The following AXDND1 variants were observed in gnomAD, a reference collection of about 807,000 sequenced individuals.
AXDND1 encodes the protein axonemal dynein light chain domain containing 1, also known as axonemal dynein light chain domain-containing protein 1.
A neutral mutation model predicts 137.5 loss-of-function variants in AXDND1; 110 were observed. That is an observed-to-expected ratio of 0.80 (90% CI 0.69 to 0.94). The LOEUF is 0.94. Ranked by LOEUF, AXDND1 falls within the 40% of genes least tolerant of loss-of-function variation. The pLI, the probability that AXDND1 is intolerant of heterozygous loss-of-function variation, is 0.00. For missense variants in AXDND1, 1,191 were observed against 1,169.8 expected (o/e 1.02, Z -0.26); for synonymous variants, 414 against 399.7 (o/e 1.04, Z -0.43).
chr1:179,497,627 C>T (rs572077692), intron 20 of AXDND1, among the ~76,000 whole-genome samples: 3 of 152,236 alleles, frequency 2.0e-5, no homozygotes, highest in African/African-American at 7.2e-5. Flanking sequence ...TCTTACTATT[C>T]CTATTCAACA....
chr1:179,387,276 T>C (rs569720234), intron 9 of AXDND1, among the ~76,000 whole-genome samples: 3 of 152,296 alleles, frequency 2.0e-5, no homozygotes, highest in African/African-American at 7.2e-5. Context: ...AGCTGGGAAG[T>C]GCAGTGTACA....
At chr1:179,507,189 A>G (rs1668620515) in intron 20 of AXDND1, among the ~76,000 whole-genome samples, 1 of 152,228 alleles carries the variant, frequency 6.6e-6, no homozygotes, top group Admixed American at 6.5e-5. Flanking sequence ...ATTCATGGAA[A>G]GAGATTCATG....
chr1:179,553,157 C>G (rs1673567905), intron 25 of AXDND1, among the ~76,000 whole-genome samples: 1 of 152,156 alleles, frequency 6.6e-6, no homozygotes. Context: ...TCTTTTGACC[C>G]TGATTATAAC....
At chr1:179,509,445 C>A in intron 21 of AXDND1, 42 bp downstream of exon 21, 1 of 1,282,566 alleles carries the variant, frequency 7.8e-7, no homozygotes, top group Non-Finnish European at 1.1e-6. Context: ...TCAGATTATT[C>A]CTGTATTTCA....
At chr1:179,394,577 G>A (rs971681736) in intron 10 of AXDND1, among the ~76,000 whole-genome samples, 3 of 79,686 alleles carry the variant, frequency 3.8e-5, no homozygotes, top group East Asian at 4.2e-4. Flanking sequence ...GTGACGGAGC[G>A]AGACCCTGTC....
At chr1:179,373,377 A>G (rs1363288557) in intron 4 of AXDND1, among the ~76,000 whole-genome samples, 2 of 152,220 alleles carry the variant, frequency 1.3e-5, no homozygotes, top group African/African-American at 2.4e-5. Context: ...GGAAGAATCA[A>G]TATCGTGAAA....
intron 18 of AXDND1, among the ~76,000 whole-genome samples, chr1:179,483,968 G>C (rs1665726796): frequency 6.6e-6 from 1 of 152,156 alleles, no homozygotes; most frequent in Non-Finnish European, 1.5e-5. Flanking sequence ...GGAAAGACTG[G>C]TGCACTCCAA....
intron 2 of AXDND1, among the ~76,000 whole-genome samples, chr1:179,367,415 T>A (rs1667551082): frequency 6.6e-6 from 1 of 152,156 alleles, no homozygotes. Context: ...CTCAGGAGGC[T>A]GAGGCAGGAG....
chr1:179,392,743 A>G (rs916839504), intron 9 of AXDND1, among the ~76,000 whole-genome samples: 1 of 151,808 alleles, frequency 6.6e-6, no homozygotes, highest in African/African-American at 2.4e-5. Context: ...GTATTTTTTC[A>G]TGTTTGTTGC....
At chr1:179,482,371 A>G (rs1296048513) in intron 17 of AXDND1, among the ~76,000 whole-genome samples, 1 of 152,144 alleles carries the variant, frequency 6.6e-6, no homozygotes. Flanking sequence ...TTTATTATAT[A>G]TATAGGGGCT....
At chr1:179,552,204 G>A (rs1464235006) in intron 25 of AXDND1, 4 of 247,794 alleles carry the variant, frequency 1.6e-5, no homozygotes, top group South Asian at 5.9e-5. Context: ...GGCCCTGATC[G>A]TGGTTGTCCC....
intron 4 of AXDND1, among the ~76,000 whole-genome samples, chr1:179,377,393 A>G (rs1383741607): frequency 6.6e-6 from 1 of 152,190 alleles, no homozygotes; most frequent in African/African-American, 2.4e-5. Flanking sequence ...ACCAGTAAAT[A>G]CATTTGGAGT....
chr1:179,437,146 G>A (rs1438992657), intron 15 of AXDND1, among the ~76,000 whole-genome samples: 2 of 151,832 alleles, frequency 1.3e-5, no homozygotes, highest in African/African-American at 2.4e-5. Flanking sequence ...ACAGACCTAG[G>A]GGGACTGAAC....
At chr1:179,378,093 C>T (rs548000953) in intron 4 of AXDND1, among the ~76,000 whole-genome samples, 10 of 151,960 alleles carry the variant, frequency 6.6e-5, no homozygotes, top group African/African-American at 9.7e-5. Flanking sequence ...TGCTTGAATC[C>T]GGGAGGTGGA....
intron 15 of AXDND1, among the ~76,000 whole-genome samples, chr1:179,437,670 A>AACAAAAG (rs1658365333): frequency 1.6e-5 from 2 of 128,904 alleles, no homozygotes; most frequent in African/African-American, 5.7e-5. Flanking sequence ...ACAGACTATG[A>AACAAAAG]ACAGAAGACA....
chr1:179,377,840 G>T (rs566848713), intron 4 of AXDND1, among the ~76,000 whole-genome samples: 1 of 152,288 alleles, frequency 6.6e-6, no homozygotes, highest in African/African-American at 2.4e-5. Context: ...ACAAGTGATC[G>T]ATGATAGATC....
intron 21 of AXDND1, among the ~76,000 whole-genome samples, chr1:179,513,701 T>C (rs1669260822): frequency 6.6e-6 from 1 of 152,140 alleles, no homozygotes; most frequent in South Asian, 2.1e-4. Flanking sequence ...CTGGACTTTT[T>C]TTTTGTTGGT....
intron 16 of AXDND1, among the ~76,000 whole-genome samples, chr1:179,458,844 G>A (rs1661793896): frequency 1.3e-5 from 2 of 149,370 alleles, no homozygotes; most frequent in Non-Finnish European, 3.0e-5. Context: ...AGATGAGGAT[G>A]CTTGATATCA....
chr1:179,381,943 A>ATTTTTTTTT (rs71111920), intron 6 of AXDND1, among the ~76,000 whole-genome samples: 257 of 105,390 alleles, frequency 2.4e-3, no homozygotes, highest in African/African-American at 2.8e-3. Flanking sequence ...ACCACACCTA[A>ATTTTTTTTT]TTTTTTTTTT....
Sources: allele counts gnomAD v4.1 joint callset (sites outside exome capture counted in the v4.1 genomes callset), GRCh38; gene constraint gnomAD v4.1.1; transcripts MANE v1.5; gene names NCBI Gene and HGNC (gene_info 2026-07-23, HGNC 2026-07-21).